Variants in SCD5 observed in about 807,000 individuals in gnomAD.
The protein encoded by SCD5 is stearoyl-CoA desaturase 5, also known as acyl-CoA-desaturase 4.
SCD5 carries 20 observed loss-of-function variants against 30.4 expected under a neutral mutation model. The ratio of observed to expected loss-of-function variants is 0.66; its 90% confidence interval spans 0.46 to 0.96. SCD5 has a LOEUF of 0.96. Ranked by LOEUF, SCD5 falls within the 40% of genes least tolerant of loss-of-function variation. The pLI, the probability that SCD5 is intolerant of heterozygous loss-of-function variation, is 0.00. For synonymous variants in SCD5, 173 were observed against 176.4 expected (o/e 0.98, Z 0.16); for missense variants, 381 against 443.3 (o/e 0.86, Z 1.26).
chr4:82,714,563 C>A (rs1186016278), intron 1 of SCD5, among the ~76,000 whole-genome samples: 1 of 152,068 alleles, frequency 6.6e-6, no homozygotes, highest in Non-Finnish European at 1.5e-5. Context: ...TGTGTTCAAG[C>A]AGGAGCAAGT....
At chr4:82,675,235 T>C (rs1231443861) in intron 3 of SCD5, among the ~76,000 whole-genome samples, 9 of 152,136 alleles carry the variant, frequency 5.9e-5, no homozygotes, top group African/African-American at 2.2e-4. Flanking sequence ...AGGAGGTACA[T>C]GGGGTATCTC....
intron 1 of SCD5, among the ~76,000 whole-genome samples, chr4:82,796,758 A>G (rs946217628): frequency 6.6e-6 from 1 of 152,102 alleles, no homozygotes; most frequent in Non-Finnish European, 1.5e-5. Flanking sequence ...GGGAGAGAGG[A>G]GCTTGTTGGA....
At chr4:82,685,670 C>T (rs888894391) in intron 2 of SCD5, among the ~76,000 whole-genome samples, 2 of 151,078 alleles carry the variant, frequency 1.3e-5, no homozygotes, top group Non-Finnish European at 2.9e-5. Flanking sequence ...CGAGATCACA[C>T]CACTGCACTC....
chr4:82,757,178 T>C (rs1181409759), intron 1 of SCD5, among the ~76,000 whole-genome samples: 1 of 152,154 alleles, frequency 6.6e-6, no homozygotes, highest in Non-Finnish European at 1.5e-5. Flanking sequence ...TTCCCGTCAC[T>C]CTCTGGTTAC....
At chr4:82,788,608 C>A (rs2148853584) in intron 1 of SCD5, among the ~76,000 whole-genome samples, 1 of 152,300 alleles carries the variant, frequency 6.6e-6, no homozygotes, top group East Asian at 1.9e-4. Flanking sequence ...CCAGGCTGGT[C>A]TGGAACTCCT....
intron 1 of SCD5, among the ~76,000 whole-genome samples, chr4:82,750,649 A>C (rs575011615): frequency 6.6e-6 from 1 of 152,298 alleles, no homozygotes; most frequent in South Asian, 2.1e-4. Flanking sequence ...GCAAAAAAAA[A>C]AAAAAGTCAT....
chr4:82,655,537 TA>T (rs1281623301), intron 3 of SCD5, among the ~76,000 whole-genome samples: 5 of 152,092 alleles, frequency 3.3e-5, no homozygotes, highest in Non-Finnish European at 7.4e-5. Flanking sequence ...TGCACATAAT[TA>T]GGATGAAAAC....
At chr4:82,670,166 C>T (rs531601195) in intron 3 of SCD5, among the ~76,000 whole-genome samples, 1 of 152,160 alleles carries the variant, frequency 6.6e-6, no homozygotes, top group African/African-American at 2.4e-5. Context: ...CTTGAAGAGA[C>T]ACAGCAAGCA....
chr4:82,696,336 G>A (rs1315405661), intron 2 of SCD5, among the ~76,000 whole-genome samples: 1 of 152,172 alleles, frequency 6.6e-6, no homozygotes, highest in Non-Finnish European at 1.5e-5. Context: ...GAGAGCGCTG[G>A]CTGGCATTAA....
chr4:82,723,017 T>A (rs1720401771), intron 1 of SCD5, among the ~76,000 whole-genome samples: 1 of 134,874 alleles, frequency 7.4e-6, no homozygotes, highest in African/African-American at 2.8e-5. Context: ...GCAGAGGTTG[T>A]GGTGAGCCGA....
At chr4:82,635,782 T>C (rs1727416722) in intron 4 of SCD5, among the ~76,000 whole-genome samples, 1 of 151,944 alleles carries the variant, frequency 6.6e-6, no homozygotes, top group African/African-American at 2.4e-5. Context: ...GAAGAACGAG[T>C]GACTTGCCCA....
chr4:82,648,772 A>G (rs1393422377), intron 3 of SCD5, among the ~76,000 whole-genome samples: 1 of 152,048 alleles, frequency 6.6e-6, no homozygotes, highest in Non-Finnish European at 1.5e-5. Flanking sequence ...GGGTTTGAAA[A>G]CCAGACAACT....
Position 82,760,127 on chromosome 4 carries a change from C to A in SCD5, c.232+38179G>T, listed in dbSNP as rs558498822. The stretch of plus-strand genomic sequence containing the variant: ...CACAGCTACCAGATTAAGCATCCTA[C>A]AGCATTATTTTGCAAGAAACCCCAC... On this transcript the variant is annotated intron_variant, in intron 1 of 4. Coordinates refer to ENST00000319540, the MANE Select transcript of SCD5 (RefSeq NM_001037582.3). Among the ~76,000 whole-genome samples the A allele has an allele frequency of 9.2e-5, 14 of 152,316 alleles. No individual in the cohort carries two copies. In the South Asian group the frequency reaches 2.9e-3, roughly 32 times the overall value.
chr4:82,653,676 T>TGATAGACAGACAGATAGATAGATA (rs146878462), intron 3 of SCD5, among the ~76,000 whole-genome samples: 11 of 136,670 alleles, frequency 8.0e-5, no homozygotes, highest in Admixed American at 2.2e-4. Context: ...TGAAAGTCAA[T>TGATAGACAGACAGATAGATAGATA]GATAGATAGA....
chr4:82,716,045 T>C (rs972362374), intron 1 of SCD5, among the ~76,000 whole-genome samples: 1 of 147,516 alleles, frequency 6.8e-6, no homozygotes, highest in South Asian at 2.1e-4. Context: ...AGTACAATGA[T>C]ACCAAGGCAA....
intron 3 of SCD5, among the ~76,000 whole-genome samples, chr4:82,675,007 T>C (rs1204773010): frequency 1.3e-5 from 2 of 152,134 alleles, no homozygotes; most frequent in African/African-American, 4.8e-5. Flanking sequence ...AGAGGATTTT[T>C]AGGCAGTGAA....
At chr4:82,745,325 GT>G (rs1335808401) in intron 1 of SCD5, among the ~76,000 whole-genome samples, 1 of 152,182 alleles carries the variant, frequency 6.6e-6, no homozygotes, top group Non-Finnish European at 1.5e-5. Context: ...AAAAGTCCAC[GT>G]AACCAATACA....
chr4:82,631,656 A>C (rs3857138), intron 4 of SCD5, 139 bp from the exon 5 acceptor site: 673,386 of 752,438 alleles, frequency 0.89, 301,994 homozygotes, highest in East Asian at 1. Flanking sequence ...TTGGTTACTG[A>C]CTCCAAAGGC....
At chr4:82,670,213 C>A (rs1206311078) in intron 3 of SCD5, among the ~76,000 whole-genome samples, 1 of 152,132 alleles carries the variant, frequency 6.6e-6, no homozygotes, top group African/African-American at 2.4e-5. Flanking sequence ...GGAATTGTCA[C>A]ACAGGAATTT....
Sources: allele counts gnomAD v4.1 joint callset (sites outside exome capture counted in the v4.1 genomes callset), GRCh38; gene constraint gnomAD v4.1.1; transcripts MANE v1.5; gene names NCBI Gene and HGNC (gene_info 2026-07-23, HGNC 2026-07-21).